RBFOX1: variants seen among roughly 807,000 people sequenced by gnomAD.
RBFOX1 encodes the protein RNA binding protein fox-1 homolog 1.
RBFOX1 carries 8 observed loss-of-function variants against 57.7 expected under a neutral mutation model. The ratio of observed to expected loss-of-function variants is 0.14; its 90% CI spans 0.08 to 0.25. The LOEUF is 0.25. Ranked by LOEUF, RBFOX1 falls within the 10% of genes least tolerant of loss-of-function variation. The probability of loss-of-function intolerance (pLI) is 1.00; values close to 1 mark genes in which losing one functional copy is unlikely to be tolerated. For missense variants in RBFOX1, 611 were observed against 548.5 expected, an observed-to-expected ratio of 1.11 and a Z score of -1.14; for synonymous variants, 326 against 222.4, an observed-to-expected ratio of 1.47 and a Z score of -4.15.
intron 4 of RBFOX1, among the ~76,000 whole-genome samples, chr16:7,236,348 T>C (rs147534574): frequency 2.6e-5 from 4 of 152,162 alleles, no homozygotes; most frequent in Non-Finnish European, 5.9e-5. Context: ...ATGCAAAAAG[T>C]AGAACATTTC....
At chr16:7,217,805 A>C (rs1415848737) in intron 4 of RBFOX1, among the ~76,000 whole-genome samples, 2 of 152,188 alleles carry the variant, frequency 1.3e-5, no homozygotes, top group Non-Finnish European at 2.9e-5. Context: ...GATCCTAGGG[A>C]GTTCATCTGA....
rs1431179405 is a variant in RBFOX1, at chr16:6,911,453, A to C, written c.-15-140604A>C. On this transcript the variant is annotated intron_variant, in intron 3 of 15. Coordinates refer to ENST00000550418, the MANE Select transcript of RBFOX1 (RefSeq NM_018723.4). ...AACGCATGGTGCTGCTTGGGTTTTA[A>C]CTCTGTCAGTGTGATCTCTGCCTTC... Among the ~76,000 whole-genome samples, 3 of 151,738 alleles carry C rather than the reference A, an allele frequency of 2.0e-5. No homozygotes were observed. In the East Asian group the frequency reaches 5.8e-4, roughly 29 times the overall value.
rs1018786239 is a variant in RBFOX1, at chr16:5,378,480, A to G, written c.220-88736A>G. Among the ~76,000 whole-genome samples, 47 of 151,560 alleles carry G rather than the reference A, an allele frequency of 3.1e-4. 1 individual carries two copies. The highest frequency in any genetic ancestry group is 2.9e-5 in the Non-Finnish European group (2 of 67,992). ...CATGTGACTTTGCTAGGGGCACCCT[A>G]GCAAGGAGCTTAAGCGTCAGTATTA... On this transcript the variant is annotated intron_variant, in intron 1 of 2. Coordinates refer to the RBFOX1 transcript ENST00000585867.
chr16:7,326,041 A>G (rs889892899), intron 4 of RBFOX1, among the ~76,000 whole-genome samples: 1 of 152,128 alleles, frequency 6.6e-6, no homozygotes, highest in African/African-American at 2.4e-5. Flanking sequence ...GACTCTTGGT[A>G]ACTGACCAGG....
rs534569536 is a variant in RBFOX1 at position 6,931,380 on chromosome 16, C to G, written c.-15-120677C>G. 4.0e-5 allele frequency among the ~76,000 whole-genome samples: 6 copies of G among 150,098 alleles called. No homozygotes were observed. The East Asian group carries it at 1.2e-3, about 29-fold the overall frequency. Reference sequence around the variant, plus strand: ...ACACACACATACATACACATATATACATACATATATGTGTATGTTTATGTG... The same window carrying G: ...ACACACACATACATACACATATATAGATACATATATGTGTATGTTTATGTG... On this transcript the variant is annotated intron_variant, in intron 3 of 15. Coordinates refer to ENST00000550418, the MANE Select transcript of RBFOX1 (RefSeq NM_018723.4).
chr16:6,978,831 C>T (rs536358395), intron 3 of RBFOX1, among the ~76,000 whole-genome samples: 1 of 152,160 alleles, frequency 6.6e-6, no homozygotes, highest in African/African-American at 2.4e-5. Context: ...GTAACAAATG[C>T]CTTCAATCCC....
intron 2 of RBFOX1, among the ~76,000 whole-genome samples, chr16:6,584,340 C>CATTATTATT (rs3045200): frequency 0.013 from 1,765 of 136,758 alleles, 37 homozygotes; most frequent in East Asian, 0.083. Flanking sequence ...GTTTTATTTT[C>CATTATTATT]ATTATTATTA....
intron 2 of RBFOX1, among the ~76,000 whole-genome samples, chr16:6,432,398 A>G (rs1346408521): frequency 2.6e-5 from 4 of 152,086 alleles, no homozygotes; most frequent in Non-Finnish European, 5.9e-5. Flanking sequence ...GAGGCCGGGC[A>G]CAGTGGCTCA....
intron 1 of RBFOX1, among the ~76,000 whole-genome samples, chr16:5,360,442 G>A (rs547562666): frequency 4.6e-5 from 7 of 152,224 alleles, no homozygotes; most frequent in Admixed American, 1.3e-4. Context: ...CTGGCTTGCC[G>A]GGAGGCTTCC....
intron 3 of RBFOX1, among the ~76,000 whole-genome samples, chr16:7,020,044 A>G (rs1176942655): frequency 6.7e-6 from 1 of 148,166 alleles, no homozygotes; most frequent in Non-Finnish European, 1.5e-5. Flanking sequence ...TGTTTTCTAG[A>G]TCAGCTTAGG....
chr16:5,898,387 C>T (rs1055586857), intron 4 of RBFOX1, among the ~76,000 whole-genome samples: 1 of 152,036 alleles, frequency 6.6e-6, no homozygotes, highest in Non-Finnish European at 1.5e-5. Context: ...AGGACATGAC[C>T]CAGAAGATCT....
chr16:5,716,089 A>G (rs1164631094), intron 3 of RBFOX1, among the ~76,000 whole-genome samples: 1 of 152,232 alleles, frequency 6.6e-6, no homozygotes, highest in Non-Finnish European at 1.5e-5. Flanking sequence ...AGCAAGTATT[A>G]TACACCAGAG....
chr16:6,995,689 G>C (rs896269911), intron 3 of RBFOX1, among the ~76,000 whole-genome samples: 5 of 151,896 alleles, frequency 3.3e-5, no homozygotes, highest in Admixed American at 6.6e-5. Flanking sequence ...GAACCTGGGA[G>C]CACAGAGGTT....
At chr16:7,433,095 A>G (rs529891247) in intron 4 of RBFOX1, among the ~76,000 whole-genome samples, 2 of 152,332 alleles carry the variant, frequency 1.3e-5, no homozygotes, top group South Asian at 2.1e-4. Flanking sequence ...GAAGTGGGAT[A>G]GTTGGGGTTG....
intron 5 of RBFOX1, among the ~76,000 whole-genome samples, chr16:7,561,348 C>T (rs1286724308): frequency 6.6e-6 from 1 of 152,210 alleles, no homozygotes; most frequent in Non-Finnish European, 1.5e-5. Context: ...AGCATGCTAT[C>T]CCCATCTAGA....
At chr16:6,416,002 A>C (rs555199033) in intron 2 of RBFOX1, among the ~76,000 whole-genome samples, 1 of 152,306 alleles carries the variant, frequency 6.6e-6, no homozygotes, top group South Asian at 2.1e-4. Flanking sequence ...CAGCGTTGTC[A>C]TCCTAAACTG....
chr16:7,450,686 A>G (rs2098845186), intron 4 of RBFOX1, among the ~76,000 whole-genome samples: 1 of 152,050 alleles, frequency 6.6e-6, no homozygotes, highest in South Asian at 2.1e-4. Flanking sequence ...GGGTGTTGGC[A>G]TCTATTAATC....
intron 4 of RBFOX1, among the ~76,000 whole-genome samples, chr16:7,325,160 A>G (rs1472417825): frequency 1.3e-5 from 2 of 152,218 alleles, no homozygotes; most frequent in South Asian, 2.1e-4. Context: ...TATGACAACT[A>G]TCAACAGCCA....
intron 3 of RBFOX1, among the ~76,000 whole-genome samples, chr16:6,844,916 T>A (rs905193808): frequency 6.6e-6 from 1 of 152,236 alleles, no homozygotes; most frequent in African/African-American, 2.4e-5. Flanking sequence ...GGTTTTGATT[T>A]GAATTTCTCT....
Sources: allele counts gnomAD v4.1 joint callset (sites outside exome capture counted in the v4.1 genomes callset), GRCh38; gene constraint gnomAD v4.1.1; transcripts MANE v1.5; gene names NCBI Gene and HGNC (gene_info 2026-07-23, HGNC 2026-07-21).